The following TENM1 variants were observed in gnomAD, a reference collection of about 807,000 sequenced individuals.
The protein encoded by TENM1 is teneurin-1.
TENM1 carries 35 observed loss-of-function variants against 174.8 expected under a neutral mutation model. The ratio of observed to expected loss-of-function variants is 0.20; its 90% confidence interval spans 0.15 to 0.27. The LOEUF (loss-of-function observed/expected upper bound fraction) is 0.27, where lower values mean the gene tolerates loss of function less well. TENM1 is among the 10% of genes least tolerant of loss of function. The pLI, the probability that TENM1 is intolerant of heterozygous loss-of-function variation, is 1.00. For synonymous variants in TENM1, 781 were observed against 798.7 expected (o/e 0.98, Z 0.37); for missense variants, 1,633 against 2,130.1 (o/e 0.77, Z 4.59).
chrX:124,991,131 T>C, the TENM1 span, among the ~76,000 whole-genome samples: 1 of 111,178 alleles, frequency 9.0e-6, no homozygotes, highest in Non-Finnish European at 1.9e-5. Flanking sequence ...TATCCTGCCA[T>C]GTTGGGGAGA....
At chrX:124,486,981 C>T (rs1683991013) in intron 21 of TENM1, among the ~76,000 whole-genome samples, 1 of 112,091 alleles carries the variant, frequency 8.9e-6, no homozygotes, top group South Asian at 3.7e-4. Flanking sequence ...TGTCAGCTTT[C>T]ACTTATGAAT....
At chrX:124,763,510 G>T (rs932637698) in intron 3 of TENM1, among the ~76,000 whole-genome samples, 1 of 111,146 alleles carries the variant, frequency 9.0e-6, no homozygotes, top group African/African-American at 3.3e-5. Context: ...ACACCCCTTT[G>T]AAAAGCTTAG....
Position 124,820,778 on chromosome X carries a change from G to C in TENM1, c.535+73518C>G, listed in dbSNP as rs942274201. Among the ~76,000 whole-genome samples the C allele has an allele frequency of 2.7e-5, 3 of 112,529 alleles. No individual in the cohort carries two copies. In the Admixed American group the frequency reaches 2.8e-4, roughly 11 times the overall value. On this transcript the variant is annotated intron_variant, in intron 3 of 31. Coordinates refer to ENST00000422452, the Ensembl canonical transcript of TENM1. ...CTAGAGAGAAGAAGAAACCTACTCA[G>C]GGTCACATATTCAGTTGGTGATATC...
intron 3 of TENM1, among the ~76,000 whole-genome samples, chrX:124,764,451 C>T (rs2054493619): frequency 9.0e-6 from 1 of 110,958 alleles, no homozygotes; most frequent in African/African-American, 3.3e-5. Flanking sequence ...ATAAAAATAC[C>T]TGCTTCTGCT....
intron 7 of TENM1, among the ~76,000 whole-genome samples, chrX:124,652,963 T>C (rs1322350900): frequency 9.0e-6 from 1 of 111,700 alleles, no homozygotes; most frequent in East Asian, 2.8e-4. Flanking sequence ...GTCATATCTG[T>C]TGGGGAAAAA....
intron 3 of TENM1, among the ~76,000 whole-genome samples, chrX:124,797,855 C>T (rs1219935831): frequency 9.1e-6 from 1 of 110,372 alleles, no homozygotes; most frequent in Non-Finnish European, 1.9e-5. Flanking sequence ...TTTGTCCCCA[C>T]CCTCCAACTG....
chrX:124,949,985 T>C (rs2058458840), intron 1 of TENM1, among the ~76,000 whole-genome samples: 1 of 109,514 alleles, frequency 9.1e-6, no homozygotes, highest in African/African-American at 3.3e-5. Flanking sequence ...TAATGAAGAG[T>C]AGGCTCCAAA....
At chrX:124,856,806 A>G (rs187843786) in intron 3 of TENM1, among the ~76,000 whole-genome samples, 18 of 111,322 alleles carry the variant, frequency 1.6e-4, no homozygotes, top group Non-Finnish European at 3.2e-4. Flanking sequence ...AATTTCAGAT[A>G]GTGACGTGGT....
intron 16 of TENM1, among the ~76,000 whole-genome samples, chrX:124,528,041 T>G: frequency 9.2e-6 from 1 of 109,049 alleles, no homozygotes; most frequent in Non-Finnish European, 1.9e-5. Flanking sequence ...GACATATAAA[T>G]GGAAACTCTC....
chrX:124,452,571 G>A (rs753090339), intron 23 of TENM1, among the ~76,000 whole-genome samples: 1 of 110,927 alleles, frequency 9.0e-6, no homozygotes, highest in African/African-American at 3.3e-5. Context: ...ACATGCACAC[G>A]TATGTTTATT....
chrX:124,576,667 T>C (rs1383111642), intron 11 of TENM1, among the ~76,000 whole-genome samples: 3 of 112,119 alleles, frequency 2.7e-5, no homozygotes, highest in Non-Finnish European at 5.6e-5. Flanking sequence ...TGTCTAAGAG[T>C]GGCTACTTAA....
intron 3 of TENM1, among the ~76,000 whole-genome samples, chrX:124,845,463 G>C (rs2056587998): frequency 9.0e-6 from 1 of 111,498 alleles, no homozygotes; most frequent in Non-Finnish European, 1.9e-5. Flanking sequence ...GGGACTCTTT[G>C]GGCTTTTAGG....
intron 11 of TENM1, among the ~76,000 whole-genome samples, chrX:124,579,563 TAG>T (rs2049251916): frequency 8.9e-6 from 1 of 111,983 alleles, no homozygotes; most frequent in Admixed American, 9.6e-5. Context: ...TATACTATTA[TAG>T]AGTTTTGTTT....
In TENM1 at chrX:124,548,921, C is replaced by A. The variant is rs745597880; in HGVS notation, c.2435-1831G>T. On this transcript the variant is annotated intron_variant, in intron 14 of 31. Coordinates refer to ENST00000422452, the Ensembl canonical transcript of TENM1. ...TTTCAAATTCCCTGTACTATAGACA[C>A]TACTTTGATTTAAAATGCAGTTTGC... is the stretch of plus-strand genomic sequence containing the variant. 2.3e-4 allele frequency among the ~76,000 whole-genome samples: 26 copies of A among 112,144 alleles called. No homozygotes were observed. In the South Asian group the frequency reaches 4.1e-3, roughly 18 times the overall value.
chrX:124,417,345 G>A (rs925154475), intron 25 of TENM1, among the ~76,000 whole-genome samples: 1 of 110,757 alleles, frequency 9.0e-6, no homozygotes, highest in African/African-American at 3.3e-5. Context: ...CAAGTAGCTC[G>A]GATTACAGGT....
At chrX:124,664,679 G>GGTGTGTGTGTGTGTGT (rs576286188) in intron 6 of TENM1, among the ~76,000 whole-genome samples, 5 of 86,970 alleles carry the variant, frequency 5.7e-5, no homozygotes, top group African/African-American at 1.7e-4. Flanking sequence ...GTACTTGTGG[G>GGTGTGTGTGTGTGTGT]GTGTGTGTGT....
chrX:125,097,345 A>G, the TENM1 span, among the ~76,000 whole-genome samples: 1 of 112,208 alleles, frequency 8.9e-6, no homozygotes, highest in Non-Finnish European at 1.9e-5. Context: ...ACTTTGAATT[A>G]GACATAGATT....
intron 11 of TENM1, among the ~76,000 whole-genome samples, chrX:124,622,347 C>T (rs1277699489): frequency 1.8e-5 from 2 of 111,908 alleles, no homozygotes; most frequent in African/African-American, 3.2e-5. Context: ...TAGTGTCAAC[C>T]GCCAGCTTCA....
chrX:124,954,712 A>C (rs373954877), intron 1 of TENM1, among the ~76,000 whole-genome samples: 4 of 111,506 alleles, frequency 3.6e-5, no homozygotes, highest in East Asian at 5.7e-4. Flanking sequence ...GTTGCAAATA[A>C]GGACTAAATA....
Sources: allele counts gnomAD v4.1 joint callset (sites outside exome capture counted in the v4.1 genomes callset), GRCh38; gene constraint gnomAD v4.1.1; transcripts MANE v1.5; gene names NCBI Gene and HGNC (gene_info 2026-07-23, HGNC 2026-07-21).